The following CNBD1 variants were observed in gnomAD, a reference collection of about 807,000 sequenced individuals.
CNBD1 encodes the protein cyclic nucleotide binding domain containing 1, also known as cyclic nucleotide-binding domain-containing protein 1.
In CNBD1, 71 loss-of-function variants were observed where a neutral mutation model predicts 54.4. The ratio of observed to expected loss-of-function variants is 1.30; its 90% confidence interval spans 1.08 to 1.59. The LOEUF is 1.59. CNBD1 is among the 40% of genes most tolerant of loss of function. The pLI, the probability that CNBD1 is intolerant of heterozygous loss-of-function variation, is 0.00. For synonymous variants in CNBD1, 182 were observed against 170.7 expected (o/e 1.07, Z -0.51); for missense variants, 659 against 518.0 (o/e 1.27, Z -2.64).
At chr8:87,041,117 G>A (rs572993411) in intron 4 of CNBD1, among the ~76,000 whole-genome samples, 2 of 152,006 alleles carry the variant, frequency 1.3e-5, no homozygotes, top group Admixed American at 6.5e-5. Flanking sequence ...TTTTAGTGAG[G>A]TTCCAAGCAA....
chr8:87,334,427 A>T, intron 8 of CNBD1, among the ~76,000 whole-genome samples: 1 of 151,202 alleles, frequency 6.6e-6, no homozygotes, highest in Non-Finnish European at 1.5e-5. Flanking sequence ...TAGCTTTTGG[A>T]TTTCTTTGCT....
intron 4 of CNBD1, among the ~76,000 whole-genome samples, chr8:87,203,767 A>G (rs1813911932): frequency 1.3e-5 from 2 of 152,224 alleles, no homozygotes; most frequent in Non-Finnish European, 2.9e-5. Flanking sequence ...TGCTAACATA[A>G]AAACCAGAAA....
At chr8:87,147,449 G>A (rs1162210041) in intron 4 of CNBD1, among the ~76,000 whole-genome samples, 1 of 151,708 alleles carries the variant, frequency 6.6e-6, no homozygotes, top group Non-Finnish European at 1.5e-5. Context: ...TACTTATGTA[G>A]CAAATTTTGT....
intron 4 of CNBD1, among the ~76,000 whole-genome samples, chr8:86,949,108 T>C (rs1308674911): frequency 6.6e-6 from 1 of 152,206 alleles, no homozygotes; most frequent in Non-Finnish European, 1.5e-5. Flanking sequence ...CTTTGGTCTG[T>C]GTTTCTGTTT....
chr8:87,415,418 G>GTGTT (rs1807818837), intron 2 of CNBD1, among the ~76,000 whole-genome samples: 1 of 152,006 alleles, frequency 6.6e-6, no homozygotes, highest in Non-Finnish European at 1.5e-5. Flanking sequence ...ATATTGCTCT[G>GTGTT]TGTTAGGCTC....
chr8:87,403,296 G>A (rs887293506), intron 2 of CNBD1, among the ~76,000 whole-genome samples: 2 of 151,874 alleles, frequency 1.3e-5, no homozygotes, highest in African/African-American at 4.8e-5. Flanking sequence ...TCTATTTTGG[G>A]GCACAGCATC....
At chr8:87,285,786 C>T (rs915917795) in intron 7 of CNBD1, among the ~76,000 whole-genome samples, 19 of 152,190 alleles carry the variant, frequency 1.2e-4, no homozygotes, top group African/African-American at 4.3e-4. Context: ...AGGAGAATTG[C>T]TTGAACCCAG....
rs987853316 is a variant in CNBD1 at position 87,323,285 on chromosome 8, T to G, written c.1043-28400T>G. On this transcript the variant is annotated intron_variant, in intron 8 of 10. Transcript: ENST00000518476. ...TTGGCTTAGGATTGACTTGGCGATGTGGGCTCTTTTTTGGTTCCATATGAA... is the reference window on the plus strand; with the variant it reads ...TTGGCTTAGGATTGACTTGGCGATGGGGGCTCTTTTTTGGTTCCATATGAA... Among the ~76,000 whole-genome samples the G allele has an allele frequency of 3.6e-4, 40 of 110,524 alleles. 1 individual carries two copies. The highest frequency in any genetic ancestry group is 4.5e-4 in the Non-Finnish European group (23 of 51,422). The allele number at this position is 110,524 out of a possible 152,430, so 72.5% of individuals were successfully genotyped here.
chr8:86,921,836 T>C (rs548142470), intron 3 of CNBD1, among the ~76,000 whole-genome samples: 3 of 152,188 alleles, frequency 2.0e-5, no homozygotes, highest in African/African-American at 4.8e-5. Context: ...AGTAAGACAA[T>C]ATACACTGAG....
intron 8 of CNBD1, among the ~76,000 whole-genome samples, chr8:87,299,825 C>T (rs937710874): frequency 1.3e-5 from 2 of 152,134 alleles, no homozygotes; most frequent in Admixed American, 6.6e-5. Context: ...TCAGCCACAC[C>T]ACACCCTGCA....
At chr8:87,040,372 G>T (rs1810039200) in intron 4 of CNBD1, among the ~76,000 whole-genome samples, 1 of 150,930 alleles carries the variant, frequency 6.6e-6, no homozygotes, top group South Asian at 2.1e-4. Flanking sequence ...GTGAATTCAT[G>T]TGTATTTACA....
At chr8:87,222,307 C>A (rs1176427945) in intron 5 of CNBD1, among the ~76,000 whole-genome samples, 1 of 151,998 alleles carries the variant, frequency 6.6e-6, no homozygotes, top group African/African-American at 2.4e-5. Context: ...ATTTATTCGA[C>A]GAGTGTTTTT....
At chr8:87,331,035 G>C (rs1309939475) in intron 8 of CNBD1, among the ~76,000 whole-genome samples, 1 of 151,992 alleles carries the variant, frequency 6.6e-6, no homozygotes, top group Non-Finnish European at 1.5e-5. Context: ...TACCATATTT[G>C]TTAGTTTTCT....
intron 4 of CNBD1, among the ~76,000 whole-genome samples, chr8:87,137,566 C>A (rs1215632566): frequency 6.6e-6 from 1 of 152,094 alleles, no homozygotes; most frequent in Non-Finnish European, 1.5e-5. Context: ...GTTAGTGTTT[C>A]CATGGGAACA....
chr8:87,081,295 T>C (rs545046655), intron 4 of CNBD1, among the ~76,000 whole-genome samples: 2 of 152,228 alleles, frequency 1.3e-5, no homozygotes, highest in South Asian at 2.1e-4. Context: ...TTTTTACTTA[T>C]TTGAGAATTT....
At chr8:87,047,657 T>C (rs1039664005) in intron 4 of CNBD1, among the ~76,000 whole-genome samples, 2 of 152,242 alleles carry the variant, frequency 1.3e-5, no homozygotes, top group African/African-American at 4.8e-5. Context: ...GGTGTAACCC[T>C]ACTGCAAAAG....
intron 2 of CNBD1, among the ~76,000 whole-genome samples, chr8:87,422,346 G>T (rs1490821737): frequency 6.8e-6 from 1 of 146,992 alleles, no homozygotes; most frequent in East Asian, 1.9e-4. Context: ...TGAAGTCCTT[G>T]CCCGTGCCTA....
In CNBD1 at chr8:86,882,540, G is replaced by C. The variant is rs369274823; in HGVS notation, c.89-5002G>C. Among the ~76,000 whole-genome samples, 59 of 152,218 alleles carry C rather than the reference G, an allele frequency of 3.9e-4. No individual in the cohort carries two copies. In the East Asian group the frequency reaches 9.7e-3, roughly 25 times the overall value. ...AATAACAGATGCTGGTGAGGTTGTA[G>C]AGAAAAAAGAACACTTACACCCTGT... On this transcript the variant is annotated intron_variant, in intron 1 of 10. Coordinates refer to ENST00000518476, the MANE Select transcript of CNBD1 (RefSeq NM_173538.3).
intron 4 of CNBD1, among the ~76,000 whole-genome samples, chr8:87,095,514 T>G (rs1227187187): frequency 2.0e-5 from 3 of 152,240 alleles, no homozygotes; most frequent in Non-Finnish European, 2.9e-5. Context: ...TACTCATGAT[T>G]TTGCATCATA....
Sources: allele counts gnomAD v4.1 joint callset (sites outside exome capture counted in the v4.1 genomes callset), GRCh38; gene constraint gnomAD v4.1.1; transcripts MANE v1.5; gene names NCBI Gene and HGNC (gene_info 2026-07-23, HGNC 2026-07-21).